The following FER variants were observed in gnomAD, a reference collection of about 807,000 sequenced individuals.
FER encodes the protein tyrosine-protein kinase Fer.
A neutral mutation model predicts 111.0 loss-of-function variants in FER; 63 were observed. The ratio of observed to expected loss-of-function variants is 0.57; its 90% CI spans 0.46 to 0.70. The LOEUF is 0.70. Ranked by LOEUF, FER falls within the 30% of genes least tolerant of loss-of-function variation. The pLI is 0.00. For missense variants in FER, 914 were observed against 954.0 expected (o/e 0.96, Z 0.55); for synonymous variants, 327 against 313.9 (o/e 1.04, Z -0.44).
intron 17 of FER, among the ~76,000 whole-genome samples, chr5:109,165,643 C>A (rs945744524): frequency 1.4e-3 from 199 of 142,078 alleles, no homozygotes; most frequent in African/African-American, 5.2e-3. Flanking sequence ...TGTGTGTATA[C>A]ACACATATAT....
At position 109,051,885 on chromosome 5, in the gene FER, G is replaced by A. The variant is rs115789214; in HGVS notation, c.1924+4687G>A. 1.3e-3 allele frequency: 2,064 copies of A among 1,555,448 alleles called. 23 individuals are homozygous for A. In the African/African-American group the frequency reaches 0.024, roughly 18 times the overall value. ...AGAGGAAGCAGTCCACCTGATGTGG[G>A]CAGGGATCTCTTTTGCAAGTGTGAA... On this transcript the variant is annotated intron_variant, in intron 16 of 19. Coordinates refer to ENST00000281092, the MANE Select transcript of FER (RefSeq NM_005246.4).
rs1482157766 is a variant in FER at position 108,856,597 on chromosome 5, A to G, written c.482-11170A>G. ...TGACTATTTGGTCAGCTTTCATTTT[A>G]ATTTTCGTATCCAGTATCTTTTAGG... On this transcript the variant is annotated intron_variant, in intron 5 of 19. Transcript: ENST00000281092. Among the ~76,000 whole-genome samples, 8 of 152,128 alleles carry G rather than the reference A, an allele frequency of 5.3e-5. No individual in the cohort carries two copies. The East Asian group carries it at 1.5e-3, about 29-fold the overall frequency.
chr5:109,058,733 T>C (rs1045258356), intron 16 of FER, among the ~76,000 whole-genome samples: 6 of 128,014 alleles, frequency 4.7e-5, no homozygotes, highest in Non-Finnish European at 8.3e-5. Flanking sequence ...TCTTTTTTTT[T>C]TTTTTTTTTT....
At chr5:108,918,791 A>C (rs1486887361) in intron 10 of FER, among the ~76,000 whole-genome samples, 2 of 152,124 alleles carry the variant, frequency 1.3e-5, no homozygotes, top group Non-Finnish European at 2.9e-5. Flanking sequence ...CCCGCCTTGG[A>C]CTGGGTGTGT....
intron 13 of FER, among the ~76,000 whole-genome samples, chr5:109,000,644 A>G (rs994166599): frequency 1.3e-5 from 2 of 152,166 alleles, no homozygotes; most frequent in Non-Finnish European, 1.5e-5. Context: ...GGCAAGAAAT[A>G]ACTAAGATCA....
intron 11 of FER, among the ~76,000 whole-genome samples, chr5:108,952,115 A>T (rs1373220394): frequency 1.3e-5 from 2 of 152,160 alleles, no homozygotes; most frequent in African/African-American, 4.8e-5. Context: ...TAACTTATTA[A>T]CTGTACTGTA....
At chr5:109,187,181 T>TATC (rs574241458) in intron 19 of FER, among the ~76,000 whole-genome samples, 332 of 152,348 alleles carry the variant, frequency 2.2e-3, no homozygotes, top group Non-Finnish European at 3.7e-3. Flanking sequence ...ATTTGTATTG[T>TATC]ATCTTACATC....
chr5:108,868,867 A>T (rs1397445726), intron 6 of FER, among the ~76,000 whole-genome samples: 3 of 152,152 alleles, frequency 2.0e-5, no homozygotes, highest in Non-Finnish European at 2.9e-5. Context: ...ATATTTTGAA[A>T]TGTAGTGGTA....
At chr5:108,966,939 AC>A (rs1329367504) in intron 13 of FER, among the ~76,000 whole-genome samples, 2 of 152,166 alleles carry the variant, frequency 1.3e-5, no homozygotes, top group Non-Finnish European at 1.5e-5. Context: ...AAACTCGTAA[AC>A]TGCATTTTTC....
intron 5 of FER, among the ~76,000 whole-genome samples, chr5:108,840,528 C>CT (rs1275621409): frequency 5.8e-4 from 85 of 146,426 alleles, no homozygotes; most frequent in Middle Eastern, 7.1e-3. Flanking sequence ...TTACTCATGA[C>CT]TTTTTTTTTT....
chr5:108,837,148 T>C (rs764437825), intron 5 of FER, among the ~76,000 whole-genome samples: 21 of 152,198 alleles, frequency 1.4e-4, no homozygotes, highest in African/African-American at 5.1e-4. Context: ...AGTTCCAACA[T>C]TGTGTGATTA....
chr5:109,178,724 C>G (rs1170969103), intron 17 of FER, among the ~76,000 whole-genome samples: 1 of 152,200 alleles, frequency 6.6e-6, no homozygotes, highest in Admixed American at 6.5e-5. Context: ...CTAGTGGGAT[C>G]TGAAATCAGG....
At chr5:108,923,926 G>T (rs1386392553) in intron 10 of FER, among the ~76,000 whole-genome samples, 6 of 152,256 alleles carry the variant, frequency 3.9e-5, no homozygotes, top group African/African-American at 1.2e-4. Flanking sequence ...TTGTAGCACA[G>T]CTATCTGCAA....
At chr5:108,887,567 T>C (rs1295329690) in intron 9 of FER, among the ~76,000 whole-genome samples, 1 of 151,686 alleles carries the variant, frequency 6.6e-6, no homozygotes, top group Non-Finnish European at 1.5e-5. Flanking sequence ...TTTGAAATTT[T>C]TATAAAAAAA....
intron 13 of FER, among the ~76,000 whole-genome samples, chr5:109,019,038 A>G (rs1767576446): frequency 6.6e-6 from 1 of 151,398 alleles, no homozygotes; most frequent in South Asian, 2.1e-4. Flanking sequence ...TAATAATTCA[A>G]AAGATACAAG....
intron 13 of FER, chr5:109,014,966 T>C (rs1248855846): frequency 6.6e-6 from 1 of 152,154 alleles, no homozygotes; most frequent in African/African-American, 2.4e-5. Context: ...AGTTATCTTC[T>C]TAATGTTGAT....
At chr5:109,039,729 T>C (rs1488758624) in intron 14 of FER, among the ~76,000 whole-genome samples, 3 of 152,030 alleles carry the variant, frequency 2.0e-5, no homozygotes, top group Non-Finnish European at 4.4e-5. Context: ...CAAGAGGGAA[T>C]GTGATAGGAG....
At chr5:108,863,048 G>A (rs374926168) in intron 5 of FER, among the ~76,000 whole-genome samples, 1 of 152,114 alleles carries the variant, frequency 6.6e-6, no homozygotes, top group African/African-American at 2.4e-5. Context: ...ACTTGTGTGG[G>A]TGGGGACAAA....
intron 10 of FER, among the ~76,000 whole-genome samples, chr5:108,925,640 A>G (rs770206542): frequency 8.5e-5 from 13 of 152,220 alleles, no homozygotes; most frequent in Middle Eastern, 3.4e-3. Context: ...TGGTCTTCAA[A>G]TAAGAATTGT....
Sources: allele counts gnomAD v4.1 joint callset (sites outside exome capture counted in the v4.1 genomes callset), GRCh38; gene constraint gnomAD v4.1.1; transcripts MANE v1.5; gene names NCBI Gene and HGNC (gene_info 2026-07-23, HGNC 2026-07-21).